The following ANKS1B variants were observed in gnomAD, a reference collection of about 807,000 sequenced individuals.
The protein encoded by ANKS1B is ankyrin repeat and sterile alpha motif domain-containing protein 1B.
Under a neutral mutation model 148.3 loss-of-function variants are expected in ANKS1B, and 36 were observed. That is an observed-to-expected ratio of 0.24 (90% confidence interval 0.19 to 0.32). ANKS1B has a LOEUF of 0.32. Among genes scored for constraint, ANKS1B ranks in the 10% least tolerant of loss-of-function variants. ANKS1B has a pLI of 1.00. For missense variants in ANKS1B, 1,157 were observed against 1,542.6 expected (o/e 0.75, Z 4.19); for synonymous variants, 542 against 560.8 (o/e 0.97, Z 0.47).
intron 9 of ANKS1B, among the ~76,000 whole-genome samples, chr12:99,614,326 T>C (rs1352197010): frequency 6.6e-6 from 1 of 151,874 alleles, no homozygotes; most frequent in African/African-American, 2.4e-5. Context: ...TCCCAGCTAC[T>C]TAGGAGACTG....
intron 9 of ANKS1B, among the ~76,000 whole-genome samples, chr12:99,592,878 G>C (rs1195112188): frequency 6.6e-6 from 1 of 152,086 alleles, no homozygotes; most frequent in Non-Finnish European, 1.5e-5. Context: ...AGCCCAAAAA[G>C]GTGGGACAAC....
At chr12:99,658,095 C>A (rs886312884) in intron 8 of ANKS1B, among the ~76,000 whole-genome samples, 1 of 152,066 alleles carries the variant, frequency 6.6e-6, no homozygotes, top group Non-Finnish European at 1.5e-5. Flanking sequence ...TTTACCCTTG[C>A]CTAATCATGC....
At chr12:99,106,991 C>G (rs1381242856) in intron 15 of ANKS1B, among the ~76,000 whole-genome samples, 1 of 152,114 alleles carries the variant, frequency 6.6e-6, no homozygotes, top group Non-Finnish European at 1.5e-5. Flanking sequence ...GACGTCTGCT[C>G]TAGCTGCAAT....
chr12:99,355,493 G>A lies in ANKS1B; in HGVS notation c.1756+44138C>T, dbSNP rs548433150. Among the ~76,000 whole-genome samples the A allele has an allele frequency of 2.0e-5, 3 of 152,090 alleles. No individual in the cohort carries two copies. The East Asian group carries it at 5.8e-4, about 29-fold the overall frequency. On this transcript the variant is annotated intron_variant, in intron 12 of 26. Coordinates refer to ENST00000683438, the MANE Select transcript of ANKS1B (RefSeq NM_001352186.2). ...CTAAAAGGTGAGTAATACTAATTTGGGAGAATCATATTATTCAGAATTAGA... is the reference window on the plus strand; with the variant it reads ...CTAAAAGGTGAGTAATACTAATTTGAGAGAATCATATTATTCAGAATTAGA...
intron 1 of ANKS1B, among the ~76,000 whole-genome samples, chr12:99,852,833 C>G (rs908290469): frequency 3.9e-5 from 6 of 152,220 alleles, no homozygotes; most frequent in African/African-American, 1.4e-4. Flanking sequence ...CTCCACTCTG[C>G]TCAACGGCTG....
chr12:99,477,119 G>T (rs2152924054), intron 10 of ANKS1B, among the ~76,000 whole-genome samples: 1 of 152,222 alleles, frequency 6.6e-6, no homozygotes, highest in Admixed American at 6.5e-5. Context: ...TCTCAGAAGT[G>T]ACATGCATTA....
intron 17 of ANKS1B, among the ~76,000 whole-genome samples, chr12:98,857,409 G>A (rs891038862): frequency 6.6e-6 from 1 of 152,182 alleles, no homozygotes; most frequent in African/African-American, 2.4e-5. Flanking sequence ...GGGGCCTTGA[G>A]GCTAGAGAGA....
At chr12:99,047,164 C>T (rs1031403361) in intron 17 of ANKS1B, among the ~76,000 whole-genome samples, 3 of 152,104 alleles carry the variant, frequency 2.0e-5, no homozygotes, top group Non-Finnish European at 4.4e-5. Context: ...CTTTGGGAGG[C>T]CAAGGCAGGT....
At chr12:99,079,056 C>T (rs191670607) in intron 16 of ANKS1B, among the ~76,000 whole-genome samples, 32 of 152,252 alleles carry the variant, frequency 2.1e-4, no homozygotes, top group African/African-American at 7.0e-4. Flanking sequence ...GTCCGAAAAT[C>T]CCTAAGAGCC....
intron 15 of ANKS1B, among the ~76,000 whole-genome samples, chr12:99,119,349 T>TG (rs1280596396): frequency 6.6e-6 from 1 of 152,172 alleles, no homozygotes; most frequent in African/African-American, 2.4e-5. Context: ...AATGAGCCCC[T>TG]GCTGACACCT....
At chr12:99,121,804 G>T (rs2062974441) in intron 15 of ANKS1B, among the ~76,000 whole-genome samples, 1 of 152,172 alleles carries the variant, frequency 6.6e-6, no homozygotes, top group African/African-American at 2.4e-5. Flanking sequence ...TTAACTCAAT[G>T]AACCACAAAG....
At chr12:99,888,149 ACTGT>A (rs1462462295) in intron 1 of ANKS1B, among the ~76,000 whole-genome samples, 1 of 152,216 alleles carries the variant, frequency 6.6e-6, no homozygotes, top group Admixed American at 6.5e-5. Context: ...AATATTAATG[ACTGT>A]CTATTTATTA....
At chr12:98,940,882 A>C (rs1162916544) in intron 17 of ANKS1B, among the ~76,000 whole-genome samples, 1 of 152,226 alleles carries the variant, frequency 6.6e-6, no homozygotes, top group Non-Finnish European at 1.5e-5. Context: ...CTAACATTGA[A>C]AAATTCTCAG....
intron 17 of ANKS1B, among the ~76,000 whole-genome samples, chr12:98,885,028 G>A (rs1214243352): frequency 6.6e-6 from 1 of 151,992 alleles, no homozygotes; most frequent in Non-Finnish European, 1.5e-5. Flanking sequence ...AGTTGCACAG[G>A]CCCCAAATTT....
At chr12:99,718,740 G>A (rs2057733073) in intron 8 of ANKS1B, among the ~76,000 whole-genome samples, 2 of 152,198 alleles carry the variant, frequency 1.3e-5, no homozygotes, top group South Asian at 4.2e-4. Context: ...ATTCTGTTCT[G>A]GATCTCAAAC....
At chr12:99,816,791 TAAA>T (rs2069234310) in intron 2 of ANKS1B, among the ~76,000 whole-genome samples, 1 of 151,692 alleles carries the variant, frequency 6.6e-6, no homozygotes, top group Non-Finnish European at 1.5e-5. Context: ...TAATATGAAC[TAAA>T]TAGGCCATTT....
intron 11 of ANKS1B, among the ~76,000 whole-genome samples, chr12:99,411,947 T>C (rs2094722552): frequency 1.3e-5 from 2 of 152,220 alleles, no homozygotes; most frequent in Admixed American, 6.5e-5. Flanking sequence ...CATTATCAGC[T>C]GTGTGGTCAG....
intron 9 of ANKS1B, 50 bp downstream of exon 9, chr12:99,655,017 A>G (rs1451994129): frequency 2.0e-6 from 3 of 1,526,422 alleles, no homozygotes; most frequent in Non-Finnish European, 2.6e-6. Flanking sequence ...TCTTAAAAAC[A>G]TAGGCAACCA....
At chr12:99,275,669 CT>C (rs2077586076) in intron 12 of ANKS1B, among the ~76,000 whole-genome samples, 1 of 152,156 alleles carries the variant, frequency 6.6e-6, no homozygotes, top group Non-Finnish European at 1.5e-5. Context: ...GCATTTATCT[CT>C]TCAGTATACT....
Sources: gnomAD v4.1 joint callset for allele counts (sites outside exome capture counted in the v4.1 genomes callset) on GRCh38, gnomAD v4.1.1 for gene constraint, MANE v1.5 for transcripts, NCBI Gene and HGNC (gene_info 2026-07-23, HGNC 2026-07-21) for gene names.